The following PCCA variants were observed in gnomAD, a reference collection of about 807,000 sequenced individuals.
The protein encoded by PCCA is propionyl-CoA carboxylase subunit alpha, also known as propionyl-CoA carboxylase alpha chain, mitochondrial.
Under a neutral mutation model 101.3 loss-of-function variants are expected in PCCA, and 74 were observed. The ratio of observed to expected loss-of-function variants is 0.73; its 90% CI spans 0.61 to 0.89. The LOEUF is 0.89. Among genes scored for constraint, PCCA ranks in the 40% least tolerant of loss-of-function variants. PCCA has a pLI of 0.00. For missense variants in PCCA, 891 were observed against 907.0 expected, an observed-to-expected ratio of 0.98 and a Z score of 0.23; for synonymous variants, 294 against 313.6, an observed-to-expected ratio of 0.94 and a Z score of 0.66.
intron 21 of PCCA, among the ~76,000 whole-genome samples, chr13:100,474,482 GTCTCTGTC>G (rs2083271732): frequency 6.8e-6 from 1 of 146,526 alleles, no homozygotes; most frequent in Admixed American, 6.8e-5. Flanking sequence ...CTCTGTCTCT[GTCTCTGTC>G]TCTCTCTCAT....
intron 22 of PCCA, among the ~76,000 whole-genome samples, chr13:100,522,567 G>A (rs56931724): frequency 3.9e-5 from 6 of 152,182 alleles, no homozygotes; most frequent in East Asian, 3.8e-4. Flanking sequence ...CTATTTCAAC[G>A]ATAACACCTT....
intron 6 of PCCA, among the ~76,000 whole-genome samples, chr13:100,162,080 A>ATGTGTGTGTGTGTGTG (rs3034650): frequency 1.1e-4 from 16 of 146,814 alleles, no homozygotes; most frequent in African/African-American, 4.0e-4. Context: ...GTGTGTCTGT[A>ATGTGTGTGTGTGTGTG]TGTGTGTGTG....
rs534297382 is a variant in PCCA, at chr13:100,188,503, G to T, written c.469-20829G>T. On this transcript the variant is annotated intron_variant, in intron 6 of 23. Transcript: ENST00000376285. ...CTCCATATTTTTGCAATTGCAAATT[G>T]TGCTGCTATAAACATGCATATGCAA... 2.2e-4 allele frequency among the ~76,000 whole-genome samples: 33 copies of T among 152,232 alleles called. No homozygotes were observed. The South Asian group carries it at 5.2e-3, about 24-fold the overall frequency.
At chr13:100,403,100 C>T (rs1235388617) in intron 19 of PCCA, among the ~76,000 whole-genome samples, 1 of 151,334 alleles carries the variant, frequency 6.6e-6, no homozygotes, top group African/African-American at 2.4e-5. Context: ...ACTGGTCTAT[C>T]GAAGTGAATA....
chr13:100,285,043 C>T (rs1215130461), intron 12 of PCCA, among the ~76,000 whole-genome samples: 3 of 152,212 alleles, frequency 2.0e-5, no homozygotes, highest in Admixed American at 6.5e-5. Flanking sequence ...GCTTTGCCTA[C>T]AGCAGGTTAA....
intron 9 of PCCA, among the ~76,000 whole-genome samples, chr13:100,258,664 G>C (rs1158752539): frequency 6.6e-6 from 1 of 152,038 alleles, no homozygotes; most frequent in Non-Finnish European, 1.5e-5. Context: ...ATAGTTTCTT[G>C]GAAGTGAGGT....
chr13:100,264,026 ATCGTATATATACGGTATCTGTATAT>A (rs2062736800), intron 10 of PCCA, among the ~76,000 whole-genome samples: 1 of 149,172 alleles, frequency 6.7e-6, no homozygotes, highest in Non-Finnish European at 1.5e-5. Flanking sequence ...GTATCTGTAT[ATCGTATATATACGGTATCTGTATAT>A]CGTATATATA....
At chr13:100,289,769 G>C (rs1374499258) in intron 12 of PCCA, among the ~76,000 whole-genome samples, 1 of 152,066 alleles carries the variant, frequency 6.6e-6, no homozygotes, top group East Asian at 1.9e-4. Context: ...CTGAAGATTT[G>C]CTAAGATAAT....
At chr13:100,314,332 C>T (rs1054598198) in intron 16 of PCCA, among the ~76,000 whole-genome samples, 3 of 152,170 alleles carry the variant, frequency 2.0e-5, no homozygotes, top group Admixed American at 6.5e-5. Flanking sequence ...CCATCACTTC[C>T]GTGTGTTCAG....
At chr13:100,159,056 AT>A (rs1473108070) in intron 6 of PCCA, among the ~76,000 whole-genome samples, 4 of 109,788 alleles carry the variant, frequency 3.6e-5, no homozygotes, top group Non-Finnish European at 5.7e-5. Flanking sequence ...CAGTTTATGC[AT>A]TTTTTCAGTT....
intron 21 of PCCA, among the ~76,000 whole-genome samples, chr13:100,488,336 A>C (rs1322617927): frequency 6.6e-6 from 1 of 151,954 alleles, no homozygotes; most frequent in Non-Finnish European, 1.5e-5. Context: ...CAGGTGATCC[A>C]CCCGCCTCGG....
chr13:100,385,139 CTTA>C (rs2076427264), intron 19 of PCCA, among the ~76,000 whole-genome samples: 2 of 152,106 alleles, frequency 1.3e-5, no homozygotes, highest in South Asian at 4.1e-4. Flanking sequence ...AGGAAAATAC[CTTA>C]TTTTCTGTGA....
At chr13:100,371,781 T>C (rs2075588355) in intron 19 of PCCA, among the ~76,000 whole-genome samples, 1 of 152,172 alleles carries the variant, frequency 6.6e-6, no homozygotes. Context: ...TACCTCCTCA[T>C]CTCAAAACTT....
At chr13:100,209,675 A>G (rs921473958) in intron 7 of PCCA, among the ~76,000 whole-genome samples, 3 of 152,200 alleles carry the variant, frequency 2.0e-5, no homozygotes, top group African/African-American at 7.2e-5. Context: ...CTTGTCGCCC[A>G]GGCTGGAGTG....
rs9557442 is a variant in PCCA at position 100,504,592 on chromosome 13, G to A, written c.1900-10835G>A. ...ATGACAGCAATTAGTGGTAATGATG[G>A]CTATTAAATACTTAATGACATTTCT... On this transcript the variant is annotated intron_variant, in intron 21 of 23. Coordinates refer to ENST00000376285, the MANE Select transcript of PCCA (RefSeq NM_000282.4). Among the ~76,000 whole-genome samples the A allele has an allele frequency of 4.4e-3, 675 of 152,252 alleles. 34 individuals carry two copies. The East Asian group carries it at 0.099, about 22-fold the overall frequency.
rs565537865 is a variant in PCCA, at chr13:100,210,711, G to GA, written c.600+1249dup. ...TCCTCATGTAGAGTTTTAACCTTGCGATTTGACTTAGCCTGCAGGAACTCT... is the reference window on the plus strand; with the variant it reads ...TCCTCATGTAGAGTTTTAACCTTGCGAATTTGACTTAGCCTGCAGGAACTCT... On this transcript the variant is annotated intron_variant, in intron 7 of 23. Coordinates refer to ENST00000376285, the MANE Select transcript of PCCA (RefSeq NM_000282.4). 9.6e-4 allele frequency among the ~76,000 whole-genome samples: 146 copies of GA among 152,256 alleles called. 4 individuals carry two copies. In the South Asian group the frequency reaches 0.028, roughly 29 times the overall value.
chr13:100,261,272 T>C (rs1436529901), intron 9 of PCCA, among the ~76,000 whole-genome samples: 3 of 152,110 alleles, frequency 2.0e-5, no homozygotes, highest in Non-Finnish European at 4.4e-5. Context: ...TGTAAAGGAA[T>C]TAAATTTTAT....
At chr13:100,386,647 C>T (rs945920772) in intron 19 of PCCA, among the ~76,000 whole-genome samples, 4 of 152,236 alleles carry the variant, frequency 2.6e-5, no homozygotes, top group Non-Finnish European at 5.9e-5. Flanking sequence ...TCCCAAGGTG[C>T]TGGGATTACA....
intron 19 of PCCA, among the ~76,000 whole-genome samples, chr13:100,389,280 G>A (rs2076686198): frequency 6.6e-6 from 1 of 152,138 alleles, no homozygotes; most frequent in Non-Finnish European, 1.5e-5. Context: ...AGGAGTCAGA[G>A]TTTGAAGGCC....
Sources: allele counts gnomAD v4.1 joint callset (sites outside exome capture counted in the v4.1 genomes callset), GRCh38; gene constraint gnomAD v4.1.1; transcripts MANE v1.5; gene names NCBI Gene and HGNC (gene_info 2026-07-23, HGNC 2026-07-21).